The following PTPRD variants were observed in gnomAD, a reference collection of about 807,000 sequenced individuals.
PTPRD encodes receptor-type tyrosine-protein phosphatase delta.
In PTPRD, 34 loss-of-function variants were observed where a neutral mutation model predicts 214.5. The observed-to-expected ratio is 0.16, with a 90% CI of 0.12 to 0.21. The LOEUF is 0.21. PTPRD is among the 10% of genes least tolerant of loss of function. The pLI is 1.00. For missense variants in PTPRD, 2,545 were observed against 2,398.7 expected (o/e 1.06, Z -1.27); for synonymous variants, 1,128 against 845.7 (o/e 1.33, Z -5.79).
At chr9:10,238,894 C>G (rs2099637695) in intron 3 of PTPRD, among the ~76,000 whole-genome samples, 1 of 151,756 alleles carries the variant, frequency 6.6e-6, no homozygotes, top group African/African-American at 2.4e-5. Flanking sequence ...TTTTGAAAAC[C>G]TGGGAGGCAG....
chr9:10,609,273 A>C (rs570204343), intron 2 of PTPRD, among the ~76,000 whole-genome samples: 1 of 151,598 alleles, frequency 6.6e-6, no homozygotes, highest in South Asian at 2.1e-4. Flanking sequence ...AATTTTGAAA[A>C]TCACATTTTT....
In PTPRD at chr9:8,319,828, C is replaced by T. The variant is rs1350141790; in HGVS notation, c.5670+3G>A. On this transcript the variant is annotated splice_donor_region_variant and intron_variant, in intron 45 of 45. Transcript: ENST00000381196. ...ATGCGAAAAATGCAATGGATTTTCT[C>T]ACCTCTGTCTGTACCATAGCTGGTC... The T allele has an allele frequency of 1.9e-6, 3 of 1,611,584 alleles. No homozygotes were observed. The highest frequency in any genetic ancestry group is 2.7e-5 in the African/African-American group (2 of 74,688).
intron 9 of PTPRD, among the ~76,000 whole-genome samples, chr9:9,275,665 C>A (rs1403062757): frequency 6.6e-6 from 1 of 151,222 alleles, no homozygotes; most frequent in African/African-American, 2.4e-5. Flanking sequence ...TATTGTCTTT[C>A]TAAGTCTGGG....
At chr9:10,350,710 T>G (rs953212978) in intron 2 of PTPRD, among the ~76,000 whole-genome samples, 4 of 152,186 alleles carry the variant, frequency 2.6e-5, no homozygotes, top group Non-Finnish European at 5.9e-5. Flanking sequence ...TAATAAAGGC[T>G]TCTGCACAAC....
At chr9:8,578,209 T>C (rs921871181) in intron 14 of PTPRD, among the ~76,000 whole-genome samples, 1 of 152,170 alleles carries the variant, frequency 6.6e-6, no homozygotes, top group Non-Finnish European at 1.5e-5. Flanking sequence ...TATGATAATA[T>C]TCACCATGAA....
intron 7 of PTPRD, among the ~76,000 whole-genome samples, chr9:9,601,149 GT>G (rs556330236): frequency 0.011 from 1,009 of 87,764 alleles, 25 homozygotes; most frequent in African/African-American, 0.062. Context: ...GTGTGTGTGT[GT>G]ATGGGGGGGG....
chr9:9,542,220 G>C (rs1182678052), intron 8 of PTPRD, among the ~76,000 whole-genome samples: 1 of 151,734 alleles, frequency 6.6e-6, no homozygotes, highest in Admixed American at 6.6e-5. Flanking sequence ...AGAACAATTA[G>C]AGAATATCTT....
At chr9:8,406,602 T>G (rs188752760) in intron 35 of PTPRD, among the ~76,000 whole-genome samples, 1 of 152,306 alleles carries the variant, frequency 6.6e-6, no homozygotes, top group East Asian at 1.9e-4. Context: ...CCTGGCTCAG[T>G]AAATGGTCCA....
intron 5 of PTPRD, among the ~76,000 whole-genome samples, chr9:9,905,096 T>C (rs17302519): frequency 0.014 from 2,137 of 152,168 alleles, 24 homozygotes; most frequent in Middle Eastern, 0.041. Context: ...GCATACCATC[T>C]AAGTAACTCA....
intron 14 of PTPRD, among the ~76,000 whole-genome samples, chr9:8,571,038 C>T (rs1051152692): frequency 2.6e-5 from 4 of 151,994 alleles, no homozygotes; most frequent in Non-Finnish European, 5.9e-5. Flanking sequence ...TCTCACATGG[C>T]TTCCACTGAG....
chr9:9,741,122 G>T (rs1161268654), intron 6 of PTPRD, among the ~76,000 whole-genome samples: 1 of 152,108 alleles, frequency 6.6e-6, no homozygotes, highest in Non-Finnish European at 1.5e-5. Flanking sequence ...AAGTAGTAGA[G>T]GAATATAAAG....
chr9:9,488,872 G>T (rs1457483459), intron 8 of PTPRD, among the ~76,000 whole-genome samples: 1 of 152,098 alleles, frequency 6.6e-6, no homozygotes, highest in Non-Finnish European at 1.5e-5. Flanking sequence ...CACCCAGATT[G>T]CAAGAGTCAG....
intron 12 of PTPRD, among the ~76,000 whole-genome samples, chr9:8,721,327 G>A (rs2098494593): frequency 6.6e-6 from 1 of 151,336 alleles, no homozygotes; most frequent in African/African-American, 2.4e-5. Context: ...CTACTCGAGA[G>A]GCTGAGGCAC....
At chr9:9,020,957 T>A (rs1482806790) in intron 10 of PTPRD, among the ~76,000 whole-genome samples, 1 of 152,200 alleles carries the variant, frequency 6.6e-6, no homozygotes, top group Non-Finnish European at 1.5e-5. Flanking sequence ...TTCTTATGTT[T>A]TTTTAGAGAC....
intron 8 of PTPRD, among the ~76,000 whole-genome samples, chr9:9,420,830 C>T (rs4740981): frequency 0.81 from 123,155 of 151,840 alleles, 50,066 homozygotes; most frequent in Non-Finnish European, 0.82. Flanking sequence ...AGTGATTTCA[C>T]TTATGTATCT....
intron 8 of PTPRD, among the ~76,000 whole-genome samples, chr9:9,523,924 C>A (rs2097056769): frequency 6.6e-6 from 1 of 152,168 alleles, no homozygotes; most frequent in Non-Finnish European, 1.5e-5. Context: ...TTCCGACGGG[C>A]TGACTTCAGG....
intron 2 of PTPRD, among the ~76,000 whole-genome samples, chr9:10,415,729 C>T (rs1034068961): frequency 4.0e-5 from 6 of 151,716 alleles, no homozygotes; most frequent in African/African-American, 1.2e-4. Context: ...ATCTTAATTC[C>T]CCCAATTCTT....
chr9:8,721,227 G>A (rs1428158302), intron 12 of PTPRD, among the ~76,000 whole-genome samples: 7 of 151,690 alleles, frequency 4.6e-5, no homozygotes, highest in African/African-American at 4.8e-5. Flanking sequence ...TCAGGAGTTC[G>A]AGACTAGCCT....
chr9:9,441,451 G>A (rs1359013526), intron 8 of PTPRD, among the ~76,000 whole-genome samples: 1 of 152,224 alleles, frequency 6.6e-6, no homozygotes, highest in African/African-American at 2.4e-5. Context: ...TATGGAAGTG[G>A]TGGAAAGTAT....
Sources: allele counts gnomAD v4.1 joint callset (sites outside exome capture counted in the v4.1 genomes callset), GRCh38; gene constraint gnomAD v4.1.1; transcripts MANE v1.5; gene names NCBI Gene and HGNC (gene_info 2026-07-23, HGNC 2026-07-21).